The following MYOM1 variants were observed in gnomAD, a reference collection of about 807,000 sequenced individuals.
MYOM1 encodes the protein myomesin 1.
In MYOM1, 164 loss-of-function variants were observed where a neutral mutation model predicts 205.3. The ratio of observed to expected loss-of-function variants is 0.80; its 90% CI spans 0.70 to 0.91. MYOM1 has a LOEUF of 0.91. Ranked by LOEUF, MYOM1 falls within the 40% of genes least tolerant of loss-of-function variation. The pLI, the probability that MYOM1 is intolerant of heterozygous loss-of-function variation, is 0.00. For missense variants in MYOM1, 2,011 were observed against 2,127.3 expected, an observed-to-expected ratio of 0.95 and a Z score of 1.08; for synonymous variants, 772 against 789.4, an observed-to-expected ratio of 0.98 and a Z score of 0.37.
chr18:3,222,797 A>C (rs9959375), upstream of MYOM1, among the ~76,000 whole-genome samples: 13,777 of 152,176 alleles, frequency 0.091, 711 homozygotes, highest in African/African-American at 0.14. Context: ...ATAGGAGGCT[A>C]TGCTCTGTGT....
intron 13 of MYOM1, among the ~76,000 whole-genome samples, chr18:3,145,285 G>C (rs1211455721): frequency 6.6e-6 from 1 of 151,118 alleles, no homozygotes; most frequent in East Asian, 1.9e-4. Flanking sequence ...ACTCCAGCCT[G>C]GGAAACAGAG....
At position 3,067,410 on chromosome 18, in the gene MYOM1, C is replaced by A. The variant is rs778917479; in HGVS notation, c.4910G>T (p.Ser1637Ile). The A allele has an allele frequency of 3.1e-6, 5 of 1,613,502 alleles. No individual in the cohort carries two copies. The South Asian group carries it at 3.3e-5, about 11-fold the overall frequency. ...RTAYFTINGV[S>I]TADSGKYGLV... ...CCCGTATTTGCCCGAGTCAGCGGTG[C>A]TCACGCCGTTGATGGTGAAGTACGC... Residue 1637 changes from serine (S) to isoleucine (I), a missense_variant, in exon 38 of 38, where the codon AGC (serine) becomes ATC (isoleucine). By Grantham distance (142) the Ser-to-Ile change is moderately radical. Transcript: ENST00000356443.
chr18:3,127,303 A>ATTT (rs1361419051), intron 18 of MYOM1, among the ~76,000 whole-genome samples: 77 of 48,828 alleles, frequency 1.6e-3, no homozygotes, highest in African/African-American at 3.9e-3. Context: ...ATATATATAT[A>ATTT]TATTTTTTTT....
At chr18:3,095,638 G>C (rs73936909) in intron 25 of MYOM1, among the ~76,000 whole-genome samples, 12,851 of 152,210 alleles carry the variant, frequency 0.084, 581 homozygotes, top group East Asian at 0.15. Flanking sequence ...ATAGTGGTCT[G>C]TGTTCAAGAA....
chr18:3,127,305 A>ATATATATATATTTTT (rs56880961), intron 18 of MYOM1, among the ~76,000 whole-genome samples: 6 of 47,568 alleles, frequency 1.3e-4, no homozygotes, highest in African/African-American at 1.8e-4. Flanking sequence ...ATATATATAT[A>ATATATATATATTTTT]TTTTTTTTTT....
chr18:3,149,051 C>T (rs1216722596), intron 13 of MYOM1, 94 bp downstream of exon 13: 3 of 948,570 alleles, frequency 3.2e-6, no homozygotes, highest in Non-Finnish European at 5.2e-6. Flanking sequence ...CTTACCAAAA[C>T]ATCTTAAGCA....
At chr18:3,232,554 A>C in the MYOM1 span, among the ~76,000 whole-genome samples, 1 of 152,156 alleles carries the variant, frequency 6.6e-6, no homozygotes, top group Non-Finnish European at 1.5e-5. Flanking sequence ...ATGGTTTCAC[A>C]AGTGTATACA....
rs181780395 is a variant in MYOM1 at position 3,144,030 on chromosome 18, C to T, written c.1901-1967G>A. The stretch of plus-strand genomic sequence containing the variant: ...GACCATCCTGACTAACACAGTGAAA[C>T]CCCATCTCTACTAAAAATACAAAAA... On this transcript the variant is annotated intron_variant, in intron 13 of 37. Transcript: ENST00000356443. Among the ~76,000 whole-genome samples the T allele has an allele frequency of 7.2e-3, 1,083 of 150,914 alleles. 14 individuals carry two copies. Among genetic ancestry groups the T allele is most frequent in the African/African-American group, 0.025 (1,009 of 41,062 alleles).
At chr18:3,170,118 T>C (rs1202481237) in intron 8 of MYOM1, among the ~76,000 whole-genome samples, 1 of 151,620 alleles carries the variant, frequency 6.6e-6, no homozygotes, top group Non-Finnish European at 1.5e-5. Context: ...AGATAGAGAG[T>C]AGAATGATGG....
intron 13 of MYOM1, among the ~76,000 whole-genome samples, chr18:3,143,817 CTTGA>C (rs2080084236): frequency 7.0e-6 from 1 of 142,258 alleles, no homozygotes; most frequent in Non-Finnish European, 1.5e-5. Flanking sequence ...GAGAGAATTG[CTTGA>C]GCCCAAGAGG....
intron 16 of MYOM1, among the ~76,000 whole-genome samples, chr18:3,132,135 TGA>T (rs2143893672): frequency 6.8e-6 from 1 of 147,014 alleles, no homozygotes; most frequent in Non-Finnish European, 1.5e-5. Context: ...TATATATATA[TGA>T]GTTATACTCT....
chr18:3,210,669 G>A (rs886572777), intron 2 of MYOM1, among the ~76,000 whole-genome samples: 1 of 152,154 alleles, frequency 6.6e-6, no homozygotes, highest in East Asian at 1.9e-4. Flanking sequence ...TTCTCTAGAA[G>A]AAGGCTAAAT....
intron 22 of MYOM1, among the ~76,000 whole-genome samples, chr18:3,108,351 G>C (rs2079478820): frequency 6.6e-6 from 1 of 152,076 alleles, no homozygotes; most frequent in African/African-American, 2.4e-5. Flanking sequence ...TTTATACTCA[G>C]AATTTGAAGC....
intron 27 of MYOM1, among the ~76,000 whole-genome samples, chr18:3,090,337 A>AAC (rs1271643385): frequency 2.0e-5 from 3 of 149,972 alleles, no homozygotes; most frequent in African/African-American, 7.4e-5. Context: ...CTCATGCCTC[A>AAC]GCCTCCCAAG....
chr18:3,176,029 A>G lies in MYOM1; in HGVS notation c.1022+13T>C. ...CAATGGTGAGCAACACATGGACACTAATGTTCTCTTACCCATTAATCTCCA... is the reference window on the plus strand; with the variant it reads ...CAATGGTGAGCAACACATGGACACTGATGTTCTCTTACCCATTAATCTCCA... On this transcript the variant is annotated intron_variant, in intron 6 of 37. Coordinates refer to ENST00000356443, the MANE Select transcript of MYOM1 (RefSeq NM_003803.4). 6.7e-7 allele frequency: 1 copy of G among 1,499,488 alleles called. No homozygotes were observed. Among genetic ancestry groups the G allele is most frequent in the Non-Finnish European group, 9.3e-7 (1 of 1,076,302 alleles). The allele number at this position is 1,499,488 out of a possible 1,614,324, so 92.9% of individuals were successfully genotyped here. A position where few individuals can be genotyped will look rare whatever the true frequency, so the allele number is the denominator to read the frequency against.
chr18:3,074,264 C>T (rs920815953), intron 36 of MYOM1, among the ~76,000 whole-genome samples: 1 of 152,132 alleles, frequency 6.6e-6, no homozygotes, highest in Non-Finnish European at 1.5e-5. Context: ...AGCTGCAGTC[C>T]ACATACACAG....
intron 8 of MYOM1, among the ~76,000 whole-genome samples, chr18:3,170,101 C>A (rs2080534456): frequency 6.6e-6 from 1 of 152,028 alleles, no homozygotes; most frequent in African/African-American, 2.4e-5. Context: ...AAGAATTGAA[C>A]CCATGGAGAT....
rs1215502746 is a variant in MYOM1, at chr18:3,102,582, A to C, written c.3467T>G (p.Leu1156Trp). 2.5e-6 allele frequency: 4 copies of C among 1,613,920 alleles called. No individual in the cohort carries two copies. The Admixed American group carries it at 5.0e-5, about 20-fold the overall frequency. Reference sequence around the variant, plus strand: ...AGTCATCTTATCACACTCGAAGTTCAATGAAATGACTCCATCATCATCCAC... The same window carrying C: ...AGTCATCTTATCACACTCGAAGTTCCATGAAATGACTCCATCATCATCCAC... The part of the protein sequence containing the change: ...VNVDDDGVIS[L>W]NFECDKMTPK... The change falls in exon 23 of 38, where the codon TTG (leucine) becomes TGG (tryptophan). Residue 1156 changes from leucine to tryptophan, a missense_variant. Transcript: ENST00000356443.
In MYOM1 at chr18:3,187,460, C is replaced by T. The variant is rs1400699067; in HGVS notation, c.929+20G>A. On this transcript the variant is annotated intron_variant, in intron 5 of 37. Coordinates refer to ENST00000356443, the MANE Select transcript of MYOM1 (RefSeq NM_003803.4). ...AACTTGGTGTAATGAATTCTGTTAG[C>T]TTTCATAAAGATAACATACCACGTG... The T allele has an allele frequency of 5.6e-6, 9 of 1,607,236 alleles. No homozygotes were observed. The highest frequency in any genetic ancestry group is 1.7e-4 in the Middle Eastern group (1 of 6,060).
Sources: gnomAD v4.1 joint callset for allele counts (sites outside exome capture counted in the v4.1 genomes callset) on GRCh38, gnomAD v4.1.1 for gene constraint, MANE v1.5 for transcripts, NCBI Gene and HGNC (gene_info 2026-07-23, HGNC 2026-07-21) for gene names.